The following ARHGAP6 variants were observed in gnomAD, a reference collection of about 807,000 sequenced individuals.
ARHGAP6 encodes rho GTPase-activating protein 6.
A neutral mutation model predicts 55.7 loss-of-function variants in ARHGAP6; 16 were observed. The ratio of observed to expected loss-of-function variants is 0.29; its 90% CI spans 0.19 to 0.44. ARHGAP6 has a LOEUF of 0.44. Ranked by LOEUF, ARHGAP6 falls within the 20% of genes least tolerant of loss-of-function variation. The probability of loss-of-function intolerance (pLI) is 1.00; values close to 1 mark genes in which losing one functional copy is unlikely to be tolerated. For synonymous variants in ARHGAP6, 382 were observed against 360.9 expected (o/e 1.06, Z -0.66); for missense variants, 698 against 808.9 (o/e 0.86, Z 1.66).
chrX:11,178,780 A>G (rs1290356532), intron 7 of ARHGAP6, among the ~76,000 whole-genome samples: 1 of 112,309 alleles, frequency 8.9e-6, no homozygotes, highest in Non-Finnish European at 1.9e-5. Flanking sequence ...GAAGAAATGT[A>G]TGGAGGTTGA....
chrX:11,326,409 T>C (rs6530438), intron 1 of ARHGAP6, among the ~76,000 whole-genome samples: 24,361 of 110,626 alleles, frequency 0.22, 2,069 homozygotes, highest in Middle Eastern at 0.33. Flanking sequence ...ATTACAGGCG[T>C]GAGCCATCGC....
At chrX:11,397,923 C>A (rs1334428068) in intron 1 of ARHGAP6, among the ~76,000 whole-genome samples, 2 of 111,488 alleles carry the variant, frequency 1.8e-5, no homozygotes, top group African/African-American at 6.5e-5. Flanking sequence ...AAAAACAAAA[C>A]CTGCAGCCAA....
chrX:11,278,332 A>G (rs1403471618), intron 1 of ARHGAP6, among the ~76,000 whole-genome samples: 3 of 111,373 alleles, frequency 2.7e-5, no homozygotes, highest in African/African-American at 6.5e-5. Flanking sequence ...AAATAGGACA[A>G]CCCCTTTCAG....
intron 2 of ARHGAP6, among the ~76,000 whole-genome samples, chrX:11,241,264 C>T (rs1429131279): frequency 9.1e-6 from 1 of 109,303 alleles, no homozygotes; most frequent in Admixed American, 9.9e-5. Flanking sequence ...TTTCCACCAG[C>T]TTAGTTTAGG....
At chrX:11,452,464 C>T (rs2050152524) in intron 1 of ARHGAP6, among the ~76,000 whole-genome samples, 1 of 112,038 alleles carries the variant, frequency 8.9e-6, no homozygotes. Flanking sequence ...TATATTTCTA[C>T]AATGTTTTAC....
chrX:11,625,603 T>G (rs1390411521), intron 1 of ARHGAP6, among the ~76,000 whole-genome samples: 1 of 110,968 alleles, frequency 9.0e-6, no homozygotes, highest in Non-Finnish European at 1.9e-5. Context: ...ATAGAAGGAA[T>G]AAGATCAGGT....
At chrX:11,539,783 T>C (rs1371267738) in intron 1 of ARHGAP6, among the ~76,000 whole-genome samples, 2 of 111,990 alleles carry the variant, frequency 1.8e-5, no homozygotes, top group Non-Finnish European at 3.8e-5. Flanking sequence ...TGGCAAAGGA[T>C]ACAGACCTCC....
chrX:11,464,212 A>C (rs1429838642), intron 1 of ARHGAP6, among the ~76,000 whole-genome samples: 1 of 112,256 alleles, frequency 8.9e-6, no homozygotes, highest in Non-Finnish European at 1.9e-5. Flanking sequence ...TCTCCAAAAA[A>C]GGAATATTTA....
rs918643102 is a variant in ARHGAP6 at position 11,265,750 on chromosome X, A to G, written c.589-11043T>C. 38 of 921,255 alleles carry G rather than the reference A, an allele frequency of 4.1e-5. No homozygotes were observed. The Middle Eastern group carries it at 1.2e-3, about 30-fold the overall frequency. 75.9% of individuals were successfully genotyped at this position (921,255 alleles called of 1,213,427 possible). Reference sequence around the variant, plus strand: ...AATCTAACTGAACTAAGCTTGCAGTAGGAAGTTGAGTCTGTTTTAAAAAAA... The same window carrying G: ...AATCTAACTGAACTAAGCTTGCAGTGGGAAGTTGAGTCTGTTTTAAAAAAA... On this transcript the variant is annotated intron_variant, in intron 1 of 12. Transcript: ENST00000337414.
At chrX:11,159,422 T>C (rs2045909894) in intron 9 of ARHGAP6, among the ~76,000 whole-genome samples, 2 of 110,702 alleles carry the variant, frequency 1.8e-5, no homozygotes, top group African/African-American at 6.6e-5. Flanking sequence ...AGTGAGGTGA[T>C]GAGAAATATT....
intron 1 of ARHGAP6, among the ~76,000 whole-genome samples, chrX:11,632,399 T>G (rs1056802681): frequency 8.9e-6 from 1 of 112,369 alleles, no homozygotes; most frequent in Non-Finnish European, 1.9e-5. Flanking sequence ...AGAAAGCCTT[T>G]GGGGTTACCA....
intron 1 of ARHGAP6, among the ~76,000 whole-genome samples, chrX:11,652,605 C>T (rs1265647747): frequency 3.6e-5 from 4 of 112,204 alleles, no homozygotes; most frequent in Non-Finnish European, 7.5e-5. Flanking sequence ...TAGGCCAACC[C>T]GTACTTCCCT....
At chrX:11,409,142 C>T (rs1398325608) in intron 1 of ARHGAP6, among the ~76,000 whole-genome samples, 2 of 112,235 alleles carry the variant, frequency 1.8e-5, no homozygotes, top group Non-Finnish European at 3.8e-5. Context: ...TGCTATGCCA[C>T]TTTGCTCCTC....
Position 11,169,575 on chromosome X carries a change from C to T in ARHGAP6, c.1739G>A (p.Arg580Gln), listed in dbSNP as rs898986058. Residue 580 changes from arginine to glutamine, a missense_variant, in exon 9 of 13, where the codon CGG (arginine) becomes CAG (glutamine). By Grantham distance (43) the Arg-to-Gln change is conservative. Transcript: ENST00000337414. ...GATGATGGCCGTGCTCTCCTCAGCC[C>T]GGGCTGAACTCTGAACTGAGAATTC... ...DKEFSVQSSA[R>Q]AEESTAIIAV... 1.4e-5 allele frequency: 17 copies of T among 1,206,337 alleles called. No individual in the cohort carries two copies. In the African/African-American group the frequency reaches 1.4e-4, roughly 10 times the overall value.
chrX:11,389,447 G>C (rs2147735512), intron 1 of ARHGAP6, among the ~76,000 whole-genome samples: 1 of 112,252 alleles, frequency 8.9e-6, no homozygotes, highest in South Asian at 3.7e-4. Context: ...GAGAGATCAA[G>C]GACTGGAGAA....
chrX:11,427,418 T>A (rs995086529), intron 1 of ARHGAP6: 1 of 815,222 alleles, frequency 1.2e-6, no homozygotes, highest in Non-Finnish European at 1.5e-6. Flanking sequence ...CGGGGTGACG[T>A]ACCCGGCCAC....
At chrX:11,333,542 T>C (rs1365997988) in intron 1 of ARHGAP6, among the ~76,000 whole-genome samples, 2 of 112,132 alleles carry the variant, frequency 1.8e-5, no homozygotes, top group Admixed American at 1.9e-4. Context: ...AATGGACTAA[T>C]ACAGGGTAGA....
chrX:11,401,830 G>T (rs911481274), intron 1 of ARHGAP6, among the ~76,000 whole-genome samples: 1 of 112,411 alleles, frequency 8.9e-6, no homozygotes, highest in African/African-American at 3.2e-5. Flanking sequence ...CCATATGATT[G>T]TATATATTTC....
At chrX:11,148,162 C>T (rs765956897) in intron 10 of ARHGAP6, among the ~76,000 whole-genome samples, 11 of 111,799 alleles carry the variant, frequency 9.8e-5, no homozygotes, top group Non-Finnish European at 2.1e-4. Flanking sequence ...GATAAGCAAC[C>T]ACAATGTTTT....
Sources: gnomAD v4.1 joint callset for allele counts (sites outside exome capture counted in the v4.1 genomes callset) on GRCh38, gnomAD v4.1.1 for gene constraint, MANE v1.5 for transcripts, NCBI Gene and HGNC (gene_info 2026-07-23, HGNC 2026-07-21) for gene names.